Variants in CTIF observed in about 807,000 individuals in gnomAD.
The protein encoded by CTIF is cap binding complex dependent translation initiation factor, also known as CBP80/20-dependent translation initiation factor.
A neutral mutation model predicts 66.0 loss-of-function variants in CTIF; 21 were observed. The observed-to-expected ratio is 0.32, with a 90% CI of 0.23 to 0.46. The LOEUF (loss-of-function observed/expected upper bound fraction) is 0.46, where lower values mean the gene tolerates loss of function less well. CTIF is among the 20% of genes least tolerant of loss of function. The pLI, the probability that CTIF is intolerant of heterozygous loss-of-function variation, is 1.00. For synonymous variants in CTIF, 345 were observed against 326.4 expected, an observed-to-expected ratio of 1.06 and a Z score of -0.62; for missense variants, 739 against 812.7, an observed-to-expected ratio of 0.91 and a Z score of 1.10.
At chr18:48,618,425 CAG>C (rs1568077474) in intron 1 of CTIF, among the ~76,000 whole-genome samples, 1 of 152,170 alleles carries the variant, frequency 6.6e-6, no homozygotes, top group African/African-American at 2.4e-5. Flanking sequence ...AAAGCATGTG[CAG>C]ACTCTGTTTT....
At chr18:48,817,725 G>A (rs1239419254) in intron 10 of CTIF, among the ~76,000 whole-genome samples, 4 of 151,358 alleles carry the variant, frequency 2.6e-5, no homozygotes, top group Non-Finnish European at 4.4e-5. Context: ...GCAGTGAGCC[G>A]AGATCGCACA....
At chr18:48,619,407 G>A (rs1192470246) in intron 1 of CTIF, 131 bp from the exon 2 acceptor site, 1 of 580,414 alleles carries the variant, frequency 1.7e-6, no homozygotes, top group African/African-American at 1.9e-5. Flanking sequence ...GACTTCTCAG[G>A]GTTGTTGGAA....
intron 10 of CTIF, among the ~76,000 whole-genome samples, chr18:48,849,517 AT>A (rs1181469964): frequency 6.7e-6 from 1 of 148,460 alleles, no homozygotes; most frequent in African/African-American, 2.5e-5. Context: ...TTTAAAAACC[AT>A]TTTTTATTGG....
intron 7 of CTIF, among the ~76,000 whole-genome samples, chr18:48,718,506 C>T (rs753547431): frequency 2.6e-4 from 39 of 152,088 alleles, no homozygotes; most frequent in Non-Finnish European, 1.5e-4. Context: ...CCAGCGTGAC[C>T]GTAAGCATAC....
At chr18:48,672,293 G>A (rs1293407927) in intron 6 of CTIF, among the ~76,000 whole-genome samples, 1 of 151,960 alleles carries the variant, frequency 6.6e-6, no homozygotes, top group Non-Finnish European at 1.5e-5. Flanking sequence ...CTGGCCTTGG[G>A]TCCTGAGGGT....
chr18:48,621,041 C>T (rs1483209829), intron 2 of CTIF, among the ~76,000 whole-genome samples: 2 of 152,032 alleles, frequency 1.3e-5, no homozygotes, highest in East Asian at 1.9e-4. Flanking sequence ...ACAAGTAATG[C>T]AAGCTTATAA....
chr18:48,684,872 T>C (rs755923187), intron 6 of CTIF, among the ~76,000 whole-genome samples: 24 of 152,258 alleles, frequency 1.6e-4, no homozygotes, highest in Non-Finnish European at 1.5e-4. Context: ...CCTAAAAGCA[T>C]GGACATTCTT....
At chr18:48,783,754 C>T (rs1340818740) in intron 9 of CTIF, among the ~76,000 whole-genome samples, 3 of 152,164 alleles carry the variant, frequency 2.0e-5, no homozygotes, top group East Asian at 1.9e-4. Flanking sequence ...TGCTGTCTGC[C>T]GCAGGCTGCC....
chr18:48,687,812 C>T (rs969997946), intron 6 of CTIF, among the ~76,000 whole-genome samples: 4 of 152,218 alleles, frequency 2.6e-5, no homozygotes, highest in African/African-American at 9.6e-5. Flanking sequence ...GTTGCTGGCA[C>T]CTCTGTCTCT....
At chr18:48,847,306 CAAA>C (rs34326780) in intron 10 of CTIF, among the ~76,000 whole-genome samples, 11 of 83,858 alleles carry the variant, frequency 1.3e-4, no homozygotes, top group Non-Finnish European at 1.7e-4. Context: ...GACTCCGTCT[CAAA>C]AAAAAAAAAA....
chr18:48,606,932 C>T (rs532772532), intron 1 of CTIF, among the ~76,000 whole-genome samples: 2 of 152,144 alleles, frequency 1.3e-5, no homozygotes, highest in Non-Finnish European at 2.9e-5. Context: ...GGGGCCGGCA[C>T]ATACTAAATT....
At chr18:48,650,180 C>T (rs2091128975) in intron 3 of CTIF, among the ~76,000 whole-genome samples, 1 of 152,158 alleles carries the variant, frequency 6.6e-6, no homozygotes, top group Admixed American at 6.5e-5. Context: ...ACAAACTTCT[C>T]CTAGCTAAAG....
rs1394912812 is a variant in CTIF, at chr18:48,859,324, C to G, written c.1582-20C>G. On this transcript the variant is annotated intron_variant, in intron 11 of 11. Coordinates refer to ENST00000256413, the MANE Select transcript of CTIF (RefSeq NM_014772.3). ...ACTGTGGGACCCGAGGCCATCCTAA[C>G]CCCACATCTCTGTCTGCAGCTGCAG... 1 of 1,611,866 alleles carries G rather than the reference C, an allele frequency of 6.2e-7. No individual in the cohort carries two copies.
chr18:48,761,161 A>G lies in CTIF; in HGVS notation c.1072-229A>G, dbSNP rs1405611872. ...GAATCCTGGGTAGGAGCTAGAACCC[A>G]AAAACAGTATCAGCCCTGGATGTCA... is the stretch of plus-strand genomic sequence containing the variant. On this transcript the variant is annotated intron_variant, in intron 8 of 11. Coordinates refer to ENST00000256413, the MANE Select transcript of CTIF (RefSeq NM_014772.3). The surrounding 1 kb of genome is among the most constrained non-coding windows in gnomAD (Gnocchi z 4.2). 6.0e-6 allele frequency: 3 copies of G among 498,962 alleles called. No homozygotes were observed. The highest frequency in any genetic ancestry group is 1.9e-5 in the African/African-American group (1 of 52,294). The allele number at this position is 498,962 out of a possible 1,614,324, so 30.9% of individuals were successfully genotyped here. A position where few individuals can be genotyped will look rare whatever the true frequency, so the allele number is the denominator to read the frequency against.
intron 7 of CTIF, among the ~76,000 whole-genome samples, chr18:48,754,913 A>T (rs184418498): frequency 6.6e-6 from 1 of 152,334 alleles, no homozygotes; most frequent in Non-Finnish European, 1.5e-5. Flanking sequence ...TTCTTTCTGG[A>T]GCCCCTGACC....
intron 6 of CTIF, among the ~76,000 whole-genome samples, chr18:48,704,082 G>C (rs1164662971): frequency 6.6e-6 from 1 of 152,188 alleles, no homozygotes; most frequent in African/African-American, 2.4e-5. Context: ...CTTGCTTCTA[G>C]AGGCCTGGGG....
At chr18:48,689,319 TAACTC>T (rs771241267) in intron 6 of CTIF, among the ~76,000 whole-genome samples, 17 of 152,190 alleles carry the variant, frequency 1.1e-4, no homozygotes, top group Non-Finnish European at 1.9e-4. Flanking sequence ...GTCATAAAAA[TAACTC>T]AAATCTATGA....
At chr18:48,763,121 G>A (rs964907585) in intron 9 of CTIF, among the ~76,000 whole-genome samples, 1 of 152,198 alleles carries the variant, frequency 6.6e-6, no homozygotes, top group African/African-American at 2.4e-5. Flanking sequence ...AAGCCTGTCT[G>A]CCAGAGAGCA....
chr18:48,833,883 C>A (rs574650956), intron 10 of CTIF, among the ~76,000 whole-genome samples: 1 of 152,308 alleles, frequency 6.6e-6, no homozygotes, highest in Admixed American at 6.5e-5. Context: ...CCTTCCAGAT[C>A]ACCCTCAAAG....
Sources: gnomAD v4.1 joint callset for allele counts (sites outside exome capture counted in the v4.1 genomes callset) on GRCh38, gnomAD v4.1.1 for gene constraint, Gnocchi (gnomAD v3.1) non-coding constraint, MANE v1.5 for transcripts, NCBI Gene and HGNC (gene_info 2026-07-23, HGNC 2026-07-21) for gene names.